Variants in CYP39A1 observed in about 807,000 individuals in gnomAD.
CYP39A1 encodes cytochrome P450 family 39 subfamily A member 1, also known as 24-hydroxycholesterol 7-alpha-hydroxylase.
Under a neutral mutation model 58.1 loss-of-function variants are expected in CYP39A1, and 49 were observed. That is an observed-to-expected ratio of 0.84 (90% CI 0.67 to 1.07). The LOEUF (loss-of-function observed/expected upper bound fraction) is 1.07, where lower values mean the gene tolerates loss of function less well. Ranked by LOEUF, CYP39A1 falls within the 50% of genes least tolerant of loss-of-function variation. CYP39A1 has a pLI of 0.00. For missense variants in CYP39A1, 531 were observed against 539.4 expected (o/e 0.98, Z 0.16); for synonymous variants, 209 against 187.6 (o/e 1.11, Z -0.93).
intron 7 of CYP39A1, among the ~76,000 whole-genome samples, chr6:46,610,618 T>A (rs1031675696): frequency 2.0e-5 from 3 of 152,318 alleles, no homozygotes; most frequent in Non-Finnish European, 4.4e-5. Context: ...GTGCCGGGAT[T>A]ACAGGTGTGA....
intron 10 of CYP39A1, among the ~76,000 whole-genome samples, chr6:46,572,097 T>G (rs1308946736): frequency 6.6e-6 from 1 of 152,146 alleles, no homozygotes; most frequent in East Asian, 1.9e-4. Flanking sequence ...ATGTCACAAT[T>G]TACTGCTTTT....
intron 6 of CYP39A1, among the ~76,000 whole-genome samples, chr6:46,627,417 TATTTA>T (rs1775382029): frequency 2.8e-5 from 2 of 70,758 alleles, no homozygotes; most frequent in Admixed American, 3.9e-4. Flanking sequence ...TACTTTTATT[TATTTA>T]TTTTTTTTTT....
chr6:46,642,792 C>A (rs1006963595), intron 1 of CYP39A1, among the ~76,000 whole-genome samples: 1 of 152,158 alleles, frequency 6.6e-6, no homozygotes, highest in Non-Finnish European at 1.5e-5. Flanking sequence ...ATTATTTCAC[C>A]TGTACAACCT....
chr6:46,587,777 A>T lies in CYP39A1; in HGVS notation c.1161+257T>A, dbSNP rs1772559974. 1.3e-5 allele frequency among the ~76,000 whole-genome samples: 2 copies of T among 152,178 alleles called. 1 individual carries two copies. Among genetic ancestry groups the T allele is most frequent in the South Asian group, 4.1e-4 (2 of 4,832 alleles). ...TATCAAAAACAGGCTTATTCACTTG[A>T]ACATGCCCTTCTGGTTTCATGTAAA... On this transcript the variant is annotated intron_variant, in intron 9 of 11. Coordinates refer to ENST00000275016, the MANE Select transcript of CYP39A1 (RefSeq NM_016593.5).
At chr6:46,553,073 CAAAAAAAA>C (rs34991519) in intron 11 of CYP39A1, among the ~76,000 whole-genome samples, 1 of 81,410 alleles carries the variant, frequency 1.2e-5, no homozygotes. Flanking sequence ...ACCCCCCAAC[CAAAAAAAA>C]AAAAAAAAAA....
At chr6:46,631,147 T>C in intron 5 of CYP39A1, 77 bp from the exon 6 acceptor site, 2 of 1,126,306 alleles carry the variant, frequency 1.8e-6, no homozygotes, top group Non-Finnish European at 2.6e-6. Flanking sequence ...AGATCATGCC[T>C]TTTTCTTTAA....
chr6:46,652,515 C>T lies in CYP39A1; in HGVS notation c.68G>A (p.Arg23Gln). ...GCACGGGGGTCTACGCAAATTCTTC[C>T]GCTGAAGGAGTAAGAACAGAGCAAG... ...GCLALFLLLQ[R>Q]KNLRRPPCIK... The change falls in exon 1 of 12, where the codon CGG becomes CAG. Residue 23 changes from arginine to glutamine, a missense_variant. Transcript: ENST00000275016. 1.9e-6 allele frequency: 3 copies of T among 1,613,654 alleles called. No individual in the cohort carries two copies. Among genetic ancestry groups the T allele is most frequent in the East Asian group, 2.2e-5 (1 of 44,850 alleles).
Position 46,652,813 on chromosome 6 carries a change from A to G in CYP39A1, c.-231T>C, listed in dbSNP as rs1762789478. The G allele has an allele frequency of 1.0e-5, 5 of 496,176 alleles. No homozygotes were observed. The East Asian group carries it at 1.7e-4, about 17-fold the overall frequency. The allele number at this position is 496,176 out of a possible 1,614,324, so 30.7% of individuals were successfully genotyped here. A position where few individuals can be genotyped will look rare whatever the true frequency, so the allele number is the denominator to read the frequency against. On this transcript the variant is annotated 5_prime_UTR_variant, in exon 1 of 12. Transcript: ENST00000275016. ...CTTTGAATCTCAGCCAGCGCGGAAA[A>G]AATGCAAGGAGGGGCAGGGCCGGGC...
chr6:46,614,342 T>G (rs7740215), intron 7 of CYP39A1, among the ~76,000 whole-genome samples: 15,136 of 152,200 alleles, frequency 0.099, 1,339 homozygotes, highest in African/African-American at 0.21. Flanking sequence ...TTACCATATT[T>G]AGAGAGGACA....
intron 10 of CYP39A1, among the ~76,000 whole-genome samples, chr6:46,569,131 A>C (rs1324737409): frequency 6.6e-6 from 1 of 151,940 alleles, no homozygotes; most frequent in Non-Finnish European, 1.5e-5. Context: ...TGTTTTATTC[A>C]TTTTTATGCT....
chr6:46,586,421 T>C, intron 10 of CYP39A1: 3 of 976,338 alleles, frequency 3.1e-6, no homozygotes, highest in Non-Finnish European at 3.7e-6. Flanking sequence ...TCAGGGACCA[T>C]GTTGGTCTTC....
chr6:46,607,017 C>G (rs892331892), intron 7 of CYP39A1, among the ~76,000 whole-genome samples: 5 of 152,224 alleles, frequency 3.3e-5, no homozygotes, highest in Middle Eastern at 6.8e-3. Flanking sequence ...CTAACTGAGC[C>G]TCAGAGAGGT....
chr6:46,622,871 G>A (rs577300593), intron 7 of CYP39A1, among the ~76,000 whole-genome samples: 7 of 152,228 alleles, frequency 4.6e-5, no homozygotes, highest in South Asian at 4.1e-4. Flanking sequence ...ACAAGAGTAG[G>A]CTGAAAGGCA....
intron 10 of CYP39A1, among the ~76,000 whole-genome samples, chr6:46,579,444 G>A (rs1274907159): frequency 4.6e-5 from 7 of 152,094 alleles, no homozygotes; most frequent in East Asian, 3.9e-4. Flanking sequence ...CTTGAAAACC[G>A]AAAGAAGACA....
chr6:46,593,803 TA>T (rs1772986680), intron 8 of CYP39A1, among the ~76,000 whole-genome samples: 2 of 152,194 alleles, frequency 1.3e-5, no homozygotes, highest in Non-Finnish European at 2.9e-5. Flanking sequence ...GATTCACAAA[TA>T]TTTAACTAAT....
At chr6:46,636,524 C>A in intron 4 of CYP39A1, 42 bp from the exon 5 acceptor site, 1 of 1,302,818 alleles carries the variant, frequency 7.7e-7, no homozygotes, top group Non-Finnish European at 1.1e-6. Context: ...TTGGAAAGCA[C>A]TTTAGGAATA....
rs777179434 is a variant in CYP39A1 at position 46,637,796 on chromosome 6, G to A, written c.638+33C>T. On this transcript the variant is annotated intron_variant, in intron 4 of 11. Coordinates refer to ENST00000275016, the MANE Select transcript of CYP39A1 (RefSeq NM_016593.5). ...GTGTTGAATTGCTGAGATAAGCTTG[G>A]TCAATGAATTAATTATAGGAAACAA... 2.5e-6 allele frequency: 4 copies of A among 1,600,116 alleles called. No homozygotes were observed. In the South Asian group the frequency reaches 4.5e-5, roughly 18 times the overall value.
At position 46,652,562 on chromosome 6, in the gene CYP39A1, T is replaced by A; in HGVS notation, c.21A>T (p.Thr7=). 6.2e-7 allele frequency: 1 copy of A among 1,606,158 alleles called. No individual in the cohort carries two copies. Among genetic ancestry groups the A allele is most frequent in the East Asian group, 2.2e-5 (1 of 44,458 alleles). Residue 7 remains threonine, a synonymous_variant, in exon 1 of 12, where the codon ACA becomes ACT. Coordinates refer to ENST00000275016, the MANE Select transcript of CYP39A1 (RefSeq NM_016593.5). ...CAAGGCAACCCAGGATTATAATCAC[T>A]GTTGGGGAAATTAGTTCCATGTTTT... MELISP[T]VIIILGCLAL... is the part of the protein sequence containing the mutation.
In CYP39A1 at chr6:46,631,000, A is replaced by T. The variant is rs766646438; in HGVS notation, c.803T>A (p.Leu268His). ...AGACAGAGAAGCCCAAAGCAGTAAG[A>T]GCCCATAATTGGGTGAGTTTTCCTT... The part of the protein sequence containing the change: ...TSKENSPNYG[L>H]LLLWASLSNA... Residue 268 changes from leucine (L) to histidine (H), a missense_variant, in exon 6 of 12, where the codon CTC (leucine) becomes CAC (histidine). Coordinates refer to ENST00000275016, the MANE Select transcript of CYP39A1 (RefSeq NM_016593.5). 1 of 1,614,080 alleles carries T rather than the reference A, an allele frequency of 6.2e-7. No individual in the cohort carries two copies. The highest frequency in any genetic ancestry group is 8.5e-7 in the Non-Finnish European group (1 of 1,180,000).
Sources: gnomAD v4.1 joint callset for allele counts (sites outside exome capture counted in the v4.1 genomes callset) on GRCh38, gnomAD v4.1.1 for gene constraint, MANE v1.5 for transcripts, NCBI Gene and HGNC (gene_info 2026-07-23, HGNC 2026-07-21) for gene names.